The following SNAPC2 variants were observed in gnomAD, a reference collection of about 807,000 sequenced individuals.
SNAPC2 encodes the protein small nuclear RNA activating complex polypeptide 2, also known as snRNA-activating protein complex subunit 2.
SNAPC2 carries 27 observed loss-of-function variants against 22.9 expected under a neutral mutation model. That is an observed-to-expected ratio of 1.18 (90% confidence interval 0.87 to 1.63). The LOEUF (loss-of-function observed/expected upper bound fraction) is 1.63. Ranked by LOEUF, SNAPC2 falls within the 40% of genes most tolerant of loss-of-function variation. The pLI, the probability that SNAPC2 is intolerant of heterozygous loss-of-function variation, is 0.00. For missense variants in SNAPC2, 570 were observed against 449.1 expected, an observed-to-expected ratio of 1.27 and a Z score of -2.43; for synonymous variants, 272 against 201.0, an observed-to-expected ratio of 1.35 and a Z score of -2.99.
At position 7,921,778 on chromosome 19, in the gene SNAPC2, C is replaced by T. The variant is rs985824075; in HGVS notation, c.372+5C>T. ...CTGGCAGTGGCTTTCTCGCAGGTAC[C>T]GCCATTCCCCCAGGCAGGTCAGGGT... On this transcript the variant is annotated splice_donor_5th_base_variant and intron_variant, in intron 3 of 4. Coordinates refer to ENST00000221573, the MANE Select transcript of SNAPC2 (RefSeq NM_003083.4). The T allele has an allele frequency of 1.5e-5, 24 of 1,611,696 alleles. No individual in the cohort carries two copies. The highest frequency in any genetic ancestry group is 2.0e-5 in the Non-Finnish European group (24 of 1,178,666).
At chr19:7,921,059 A>G (rs1006140935) in intron 1 of SNAPC2, 95 of 1,180,446 alleles carry the variant, frequency 8.0e-5, no homozygotes, top group Middle Eastern at 7.1e-4. Flanking sequence ...AACTGGGAGT[A>G]AGATGCTGCC....
chr19:7,921,972 G>C (rs781080360), intron 3 of SNAPC2, 63 bp from the exon 4 acceptor site: 2 of 1,525,228 alleles, frequency 1.3e-6, no homozygotes, highest in Non-Finnish European at 1.8e-6. Flanking sequence ...GAGGATGGGG[G>C]AATGTGTAGA....
Position 7,922,511 on chromosome 19 carries a change from C to T in SNAPC2, c.752C>T (p.Ala251Val), listed in dbSNP as rs7251437. The T allele has an allele frequency of 6.2e-7, 1 of 1,611,124 alleles. No homozygotes were observed. The highest frequency in any genetic ancestry group is 1.7e-5 in the Admixed American group (1 of 59,774). ...GAGCTGCCACTCCTGCCCTGCACAG[C>T]CCTGGTTGAGCATATGACGGAGACG... ...PEELPLLPCT[A>V]LVEHMTETYL... The change falls in exon 5 of 5, where the codon GCC becomes GTC. Residue 251 changes from alanine (A) to valine (V), a missense_variant. Physicochemically the swap from Ala to Val is moderately conservative, Grantham distance 64. Coordinates refer to ENST00000221573, the MANE Select transcript of SNAPC2 (RefSeq NM_003083.4).
chr19:7,921,308 C>T (rs1459484533), intron 1 of SNAPC2, 115 bp from the exon 2 acceptor site: 13 of 1,538,898 alleles, frequency 8.4e-6, no homozygotes, highest in Non-Finnish European at 1.2e-5. Flanking sequence ...ACCGGGCCAG[C>T]AGGAGACTAA....
Position 7,922,988 on chromosome 19 carries a change from C to T in SNAPC2, c.*224C>T, listed in dbSNP as rs1983644920. The stretch of plus-strand genomic sequence containing the variant: ...GGGTTGCAGGACTCCACTCACAAGC[C>T]TCCTGATGTCAAGGACAGGCGGACA... On this transcript the variant is annotated 3_prime_UTR_variant, in exon 5 of 5. Transcript: ENST00000221573. 4.0e-6 allele frequency: 2 copies of T among 504,132 alleles called. No homozygotes were observed. The highest frequency in any genetic ancestry group is 3.7e-5 in the Admixed American group (1 of 26,750). 31.2% of individuals were successfully genotyped at this position (504,132 alleles called of 1,614,324 possible).
At chr19:7,921,336 CA>C in intron 1 of SNAPC2, 86 bp from the exon 2 acceptor site, 1 of 1,598,912 alleles carries the variant, frequency 6.3e-7, no homozygotes, top group Non-Finnish European at 8.5e-7. Context: ...TAGCGGGGCC[CA>C]GAGCATACAA....
intron 1 of SNAPC2, chr19:7,921,159 G>A (rs1041343949): frequency 1.1e-5 from 15 of 1,390,368 alleles, no homozygotes; most frequent in Non-Finnish European, 1.4e-5. Flanking sequence ...GAAGGGAGTT[G>A]AACGGGGTAG....
At chr19:7,920,948 TAAGGCGTGGGA>T in intron 1 of SNAPC2, 1 of 984,662 alleles carries the variant, frequency 1.0e-6, no homozygotes. Flanking sequence ...GTTTTGGGAG[TAAGGCGTGGGA>T]GGGGCGTGGG....
intron 2 of SNAPC2, 73 bp downstream of exon 2, chr19:7,921,615 C>T: frequency 6.2e-6 from 10 of 1,604,444 alleles, no homozygotes; most frequent in Non-Finnish European, 8.5e-6. Flanking sequence ...CGGGGGATAA[C>T]CTGATTAGGG....
chr19:7,921,981 G>A, intron 3 of SNAPC2, 54 bp from the exon 4 acceptor site: 14 of 1,551,404 alleles, frequency 9.0e-6, no homozygotes, highest in Non-Finnish European at 1.2e-5. Context: ...GGAATGTGTA[G>A]ACGGTGAGAA....
intron 3 of SNAPC2, 25 bp from the exon 4 acceptor site, chr19:7,922,010 C>T (rs374157631): frequency 8.8e-6 from 14 of 1,590,316 alleles, no homozygotes; most frequent in South Asian, 5.7e-5. Flanking sequence ...AGCTCCTCTT[C>T]CTCCCTGATT....
rs1051311397 is a variant in SNAPC2, at chr19:7,922,111, A to C, written c.449A>C (p.Lys150Thr). 5 of 1,613,886 alleles carry C rather than the reference A, an allele frequency of 3.1e-6. No homozygotes were observed. Among genetic ancestry groups the C allele is most frequent in the Non-Finnish European group, 4.2e-6 (5 of 1,179,924 alleles). ...KPPKPTQARGKPLLLSAPGGQ... is the reference protein window; with the variant it reads ...KPPKPTQARGTPLLLSAPGGQ... Reference sequence around the variant, plus strand: ...CCCAAGCCCACGCAGGCCCGTGGAAAGCCTTTGCTCCTGAGCGCCCCTGGA... The same window carrying C: ...CCCAAGCCCACGCAGGCCCGTGGAACGCCTTTGCTCCTGAGCGCCCCTGGA... Residue 150 changes from lysine to threonine, a missense_variant, in exon 4 of 5, where the codon AAG (lysine) becomes ACG (threonine). Lys to Thr is a moderately conservative substitution (Grantham distance 78). Transcript: ENST00000221573.
At chr19:7,921,052 TG>T (rs1983551335) in intron 1 of SNAPC2, 1 of 1,171,856 alleles carries the variant, frequency 8.5e-7, no homozygotes, top group African/African-American at 1.6e-5. Context: ...CGGAATGAAC[TG>T]GGAGTAAGAT....
chr19:7,922,581 C>G lies in SNAPC2; in HGVS notation c.822C>G (p.Ser274Arg), dbSNP rs762574442. The G allele has an allele frequency of 6.2e-7, 1 of 1,613,584 alleles. No homozygotes were observed. Among genetic ancestry groups the G allele is most frequent in the South Asian group, 1.1e-5 (1 of 91,072 alleles). ...TAPQPIPAGG[S>R]LGPAAEGDGA... Reference sequence around the variant, plus strand: ...CCCAGCCCATTCCCGCTGGAGGGAGCCTGGGGCCTGCAGCAGAAGGGGATG... The same window carrying G: ...CCCAGCCCATTCCCGCTGGAGGGAGGCTGGGGCCTGCAGCAGAAGGGGATG... Residue 274 changes from serine (S) to arginine (R), a missense_variant, in exon 5 of 5, where the codon AGC becomes AGG. Transcript: ENST00000221573.
At chr19:7,920,668 G>A (rs2145160902) in intron 1 of SNAPC2, 119 bp downstream of exon 1, 1 of 632,690 alleles carries the variant, frequency 1.6e-6, no homozygotes, top group East Asian at 3.6e-5. Flanking sequence ...GCGAGCGGGG[G>A]CGTGGCGTGG....
rs1252499669 is a variant in SNAPC2 at position 7,922,315 on chromosome 19, G to A, written c.653G>A (p.Arg218Gln). 7 of 1,613,614 alleles carry A rather than the reference G, an allele frequency of 4.3e-6. No individual in the cohort carries two copies. The highest frequency in any genetic ancestry group is 2.7e-5 in the African/African-American group (2 of 74,908). The change falls in exon 4 of 5, where the codon CGA becomes CAA. Residue 218 changes from arginine to glutamine, a missense_variant. Transcript: ENST00000221573. ...KIYKYLSSVS[R>Q]SGRSPELSAA... ...TACAAGTACTTGTCCTCTGTCTCCCGAAGTGGCCGCAGCCCCGAGCTCTCA... is the reference window on the plus strand; with the variant it reads ...TACAAGTACTTGTCCTCTGTCTCCCAAAGTGGCCGCAGCCCCGAGCTCTCA...
intron 2 of SNAPC2, 50 bp downstream of exon 2, chr19:7,921,592 T>G (rs1334463873): frequency 9.4e-6 from 15 of 1,602,382 alleles, no homozygotes; most frequent in Non-Finnish European, 1.3e-5. Flanking sequence ...CCCTGGTGGG[T>G]AGGTGGGAGT....
At position 7,922,829 on chromosome 19, in the gene SNAPC2, C is replaced by T. The variant is rs951467380; in HGVS notation, c.*65C>T. On this transcript the variant is annotated 3_prime_UTR_variant, in exon 5 of 5. Coordinates refer to ENST00000221573, the MANE Select transcript of SNAPC2 (RefSeq NM_003083.4). ...CTGCCCCTCGGTTCTGCTCGGCTGG[C>T]CCTGGCTCTTTCTGAGGATCCCGTC... The T allele has an allele frequency of 2.4e-5, 31 of 1,303,054 alleles. No homozygotes were observed. In the African/African-American group the frequency reaches 3.0e-4, roughly 12 times the overall value. 80.7% of individuals were successfully genotyped at this position (1,303,054 alleles called of 1,614,324 possible).
intron 1 of SNAPC2, chr19:7,920,852 G>C (rs1290146340): frequency 2.5e-6 from 2 of 807,892 alleles, no homozygotes; most frequent in Admixed American, 4.5e-5. Flanking sequence ...GCTGAGGTTT[G>C]GAGAGTGGGT....
Sources: gnomAD v4.1 joint callset for allele counts on GRCh38, gnomAD v4.1.1 for gene constraint, MANE v1.5 for transcripts, NCBI Gene and HGNC (gene_info 2026-07-23, HGNC 2026-07-21) for gene names.